Variants in FANCC observed in about 807,000 individuals in gnomAD.
FANCC encodes the protein Fanconi anemia group C protein.
In FANCC, 55 loss-of-function variants were observed where a neutral mutation model predicts 71.3. The ratio of observed to expected loss-of-function variants is 0.77; its 90% CI spans 0.62 to 0.97. FANCC has a LOEUF of 0.97. Among genes scored for constraint, FANCC ranks in the 50% least tolerant of loss-of-function variants. FANCC has a pLI of 0.00. For synonymous variants in FANCC, 275 were observed against 244.9 expected (o/e 1.12, Z -1.15); for missense variants, 678 against 670.9 (o/e 1.01, Z -0.12).
chr9:95,125,706 C>A (rs4647516), intron 9 of FANCC, among the ~76,000 whole-genome samples: 3,961 of 152,298 alleles, frequency 0.026, 154 homozygotes, highest in African/African-American at 0.08. Flanking sequence ...TTTAAACCCC[C>A]AACACTGTTC....
At chr9:95,107,955 C>G (rs991739514) in intron 13 of FANCC, among the ~76,000 whole-genome samples, 8 of 152,202 alleles carry the variant, frequency 5.3e-5, no homozygotes, top group African/African-American at 1.9e-4. Context: ...TGAGATGTTT[C>G]TGCTTGCTAC....
In FANCC at chr9:95,274,272, G is replaced by C. The variant is rs944716762; in HGVS notation, c.-78-24903C>G. Among the ~76,000 whole-genome samples the C allele has an allele frequency of 2.0e-5, 3 of 152,180 alleles. No homozygotes were observed. In the East Asian group the frequency reaches 5.8e-4, roughly 29 times the overall value. ...TCCCATTTACGAGTGAGAACATGTG[G>C]TGTTTGGTTTTCTGTTCCTGTATTA... On this transcript the variant is annotated intron_variant, in intron 1 of 14. Transcript: ENST00000289081.
rs554259928 is a variant in FANCC, at chr9:95,158,665, G to T, written c.522-8578C>A. Among the ~76,000 whole-genome samples the T allele has an allele frequency of 2.6e-5, 4 of 152,318 alleles. No homozygotes were observed. The South Asian group carries it at 8.3e-4, about 32-fold the overall frequency. ...ATAAAGTATTCAGATTGTTACCAGG[G>T]ATTGATATGCAGTTATGGGAACTGC... On this transcript the variant is annotated intron_variant, in intron 6 of 14. Coordinates refer to ENST00000289081, the MANE Select transcript of FANCC (RefSeq NM_000136.3).
chr9:95,190,341 G>C (rs922515297), intron 4 of FANCC, among the ~76,000 whole-genome samples: 1 of 152,096 alleles, frequency 6.6e-6, no homozygotes, highest in African/African-American at 2.4e-5. Flanking sequence ...AAACATGCTA[G>C]AAGAGCTACC....
chr9:95,239,967 G>A (rs1185299171), intron 4 of FANCC, among the ~76,000 whole-genome samples: 5 of 152,304 alleles, frequency 3.3e-5, no homozygotes, highest in East Asian at 3.9e-4. Context: ...AAGGCAGTGC[G>A]GGGAACAGAA....
intron 4 of FANCC, among the ~76,000 whole-genome samples, chr9:95,210,300 C>T (rs1275379525): frequency 6.6e-6 from 1 of 151,936 alleles, no homozygotes; most frequent in Non-Finnish European, 1.5e-5. Context: ...ACATTCTATT[C>T]CTAACACTGG....
intron 4 of FANCC, among the ~76,000 whole-genome samples, chr9:95,195,758 C>A (rs1029303392): frequency 2.0e-5 from 3 of 152,196 alleles, no homozygotes; most frequent in Admixed American, 2.0e-4. Context: ...AATATCTCTC[C>A]ATTTATTTCA....
chr9:95,284,877 TACACACACAC>T (rs71366285), intron 1 of FANCC, among the ~76,000 whole-genome samples: 2 of 147,570 alleles, frequency 1.4e-5, no homozygotes, highest in Admixed American at 6.8e-5. Flanking sequence ...CACACACACA[TACACACACAC>T]ACACACACAC....
chr9:95,120,132 G>A (rs2072756303), intron 10 of FANCC, among the ~76,000 whole-genome samples: 1 of 152,190 alleles, frequency 6.6e-6, no homozygotes, highest in South Asian at 2.1e-4. Context: ...CTCTCTAGGG[G>A]CTTTATCTTT....
At chr9:95,132,316 T>C (rs954343571) in intron 8 of FANCC, among the ~76,000 whole-genome samples, 1 of 152,200 alleles carries the variant, frequency 6.6e-6, no homozygotes, top group Non-Finnish European at 1.5e-5. Context: ...ACAAACAAAA[T>C]TGTAACTGGA....
chr9:95,125,583 A>G (rs1588102738), intron 9 of FANCC, among the ~76,000 whole-genome samples: 2 of 152,222 alleles, frequency 1.3e-5, no homozygotes, highest in African/African-American at 4.8e-5. Flanking sequence ...TAGGAAAATA[A>G]TGTGTGTGTA....
chr9:95,265,388 C>A (rs1406222874), intron 1 of FANCC, among the ~76,000 whole-genome samples: 2 of 152,160 alleles, frequency 1.3e-5, no homozygotes, highest in Non-Finnish European at 2.9e-5. Context: ...GGGAGAGGAG[C>A]TATTCTCTGG....
chr9:95,212,598 G>C (rs1229920626), intron 4 of FANCC, among the ~76,000 whole-genome samples: 6 of 152,154 alleles, frequency 3.9e-5, no homozygotes, highest in Admixed American at 1.3e-4. Flanking sequence ...GCAATGGTAA[G>C]AGAAACTCAA....
intron 1 of FANCC, among the ~76,000 whole-genome samples, chr9:95,312,520 T>G (rs945568138): frequency 5.3e-5 from 8 of 152,090 alleles, no homozygotes; most frequent in African/African-American, 1.7e-4. Context: ...TCCCAGATAA[T>G]TTCGTGTTTT....
intron 1 of FANCC, among the ~76,000 whole-genome samples, chr9:95,309,549 A>T (rs905977465): frequency 1.3e-5 from 2 of 152,192 alleles, no homozygotes; most frequent in African/African-American, 4.8e-5. Flanking sequence ...GCTAAATATA[A>T]CTGATTCCTT....
intron 1 of FANCC, among the ~76,000 whole-genome samples, chr9:95,315,220 G>A (rs552219589): frequency 1.4e-3 from 217 of 152,266 alleles, no homozygotes; most frequent in Non-Finnish European, 1.2e-4. Context: ...TGGCCAATCT[G>A]AATTGTTACC....
At chr9:95,243,641 C>A (rs75326477) in intron 3 of FANCC, among the ~76,000 whole-genome samples, 3 of 147,628 alleles carry the variant, frequency 2.0e-5, no homozygotes, top group East Asian at 3.9e-4. Flanking sequence ...AAAAAAAAAA[C>A]AGATTAGCTG....
intron 4 of FANCC, among the ~76,000 whole-genome samples, chr9:95,230,305 G>C (rs1829924499): frequency 6.6e-6 from 1 of 152,180 alleles, no homozygotes; most frequent in African/African-American, 2.4e-5. Flanking sequence ...TCATACCAGT[G>C]AGTGGTTTCG....
intron 4 of FANCC, among the ~76,000 whole-genome samples, chr9:95,175,189 G>A (rs553204625): frequency 6.6e-6 from 1 of 152,174 alleles, no homozygotes; most frequent in South Asian, 2.1e-4. Context: ...TCATGTAAGT[G>A]GAAACCTGCC....
Sources: gnomAD v4.1 joint callset for allele counts (sites outside exome capture counted in the v4.1 genomes callset) on GRCh38, gnomAD v4.1.1 for gene constraint, MANE v1.5 for transcripts, NCBI Gene and HGNC (gene_info 2026-07-23, HGNC 2026-07-21) for gene names.